The following TYR variants were observed in gnomAD, a reference collection of about 807,000 sequenced individuals.
The protein encoded by TYR is tyrosinase.
A neutral mutation model predicts 51.5 loss-of-function variants in TYR; 58 were observed. That is an observed-to-expected ratio of 1.13 (90% CI 0.91 to 1.40). TYR has a LOEUF of 1.40. TYR is among the 40% of genes most tolerant of loss of function. The probability of loss-of-function intolerance (pLI) is 0.00; values close to 1 mark genes in which losing one functional copy is unlikely to be tolerated. For synonymous variants in TYR, 263 were observed against 235.2 expected (o/e 1.12, Z -1.08); for missense variants, 732 against 647.4 (o/e 1.13, Z -1.42).
intron 3 of TYR, among the ~76,000 whole-genome samples, chr11:89,247,179 C>T (rs542203298): frequency 6.6e-6 from 1 of 152,320 alleles, no homozygotes; most frequent in South Asian, 2.1e-4. Flanking sequence ...TTATACCACT[C>T]TGTGCTTGTT....
intron 3 of TYR, among the ~76,000 whole-genome samples, chr11:89,239,927 A>G (rs1263608359): frequency 6.6e-6 from 1 of 152,188 alleles, no homozygotes; most frequent in Non-Finnish European, 1.5e-5. Context: ...GTCTTCTTAA[A>G]TTTGTTAAGA....
At chr11:89,247,449 A>G (rs1944280824) in intron 3 of TYR, among the ~76,000 whole-genome samples, 1 of 152,230 alleles carries the variant, frequency 6.6e-6, no homozygotes. Context: ...TGATGAAGAC[A>G]TCATGTACTA....
chr11:89,249,384 G>A (rs35928779), intron 3 of TYR, among the ~76,000 whole-genome samples: 1,916 of 147,758 alleles, frequency 0.013, 23 homozygotes, highest in Middle Eastern at 0.035. Context: ...CGATACAGAT[G>A]AGTCAGCAAA....
chr11:89,284,485 T>C (rs1478111044), intron 3 of TYR, among the ~76,000 whole-genome samples: 2 of 151,892 alleles, frequency 1.3e-5, no homozygotes, highest in Non-Finnish European at 2.9e-5. Flanking sequence ...ATAGTTACCT[T>C]TATTTTGCAG....
At chr11:89,220,499 C>T (rs939893790) in intron 2 of TYR, among the ~76,000 whole-genome samples, 4 of 152,182 alleles carry the variant, frequency 2.6e-5, no homozygotes, top group African/African-American at 9.7e-5. Context: ...CATATCCAAA[C>T]TATATCATTA....
At chr11:89,272,930 A>G (rs1322619540) in intron 3 of TYR, among the ~76,000 whole-genome samples, 9 of 152,068 alleles carry the variant, frequency 5.9e-5, no homozygotes, top group Non-Finnish European at 1.0e-4. Flanking sequence ...AAAATTGAAG[A>G]GAGCTGGGGC....
At chr11:89,214,211 A>G (rs1565400393) in intron 2 of TYR, among the ~76,000 whole-genome samples, 2 of 152,230 alleles carry the variant, frequency 1.3e-5, no homozygotes, top group East Asian at 3.8e-4. Context: ...TCCATCAAAA[A>G]GTGGACAAAG....
chr11:89,197,128 C>A (rs1943529908), intron 2 of TYR, among the ~76,000 whole-genome samples: 1 of 152,080 alleles, frequency 6.6e-6, no homozygotes, highest in South Asian at 2.1e-4. Flanking sequence ...GCATTTCCAG[C>A]AGAGGGAACA....
intron 3 of TYR, among the ~76,000 whole-genome samples, chr11:89,254,229 G>T (rs1383757954): frequency 6.6e-6 from 1 of 151,662 alleles, no homozygotes; most frequent in Non-Finnish European, 1.5e-5. Context: ...CAGTTAGCTA[G>T]TATTTTGTTA....
At chr11:89,290,602 G>T (rs989240731) in intron 4 of TYR, among the ~76,000 whole-genome samples, 1 of 151,962 alleles carries the variant, frequency 6.6e-6, no homozygotes, top group Non-Finnish European at 1.5e-5. Flanking sequence ...TCAAGGTCTA[G>T]GGTTTACCCT....
chr11:89,261,269 A>G (rs1944453451), intron 3 of TYR, among the ~76,000 whole-genome samples: 1 of 152,138 alleles, frequency 6.6e-6, no homozygotes, highest in Non-Finnish European at 1.5e-5. Flanking sequence ...GTTCTGCAAT[A>G]AAAGGACACA....
Position 89,183,373 on chromosome 11 carries a change from C to T in TYR, c.819+4601C>T, listed in dbSNP as rs975799611. Among the ~76,000 whole-genome samples, 8 of 151,986 alleles carry T rather than the reference C, an allele frequency of 5.3e-5. No individual in the cohort carries two copies. The East Asian group carries it at 5.8e-4, about 11-fold the overall frequency. On this transcript the variant is annotated intron_variant, in intron 1 of 4. Coordinates refer to ENST00000263321, the MANE Select transcript of TYR (RefSeq NM_000372.5). ...AATTCTACCCCTGCCATTTAGTAGA[C>T]GACATTGGACCAGTTATTTAAAATC...
chr11:89,277,146 A>G (rs185053161), intron 3 of TYR, among the ~76,000 whole-genome samples: 1 of 151,830 alleles, frequency 6.6e-6, no homozygotes, highest in African/African-American at 2.4e-5. Context: ...GTTTTATTGG[A>G]TTAAGTTTAA....
intron 2 of TYR, among the ~76,000 whole-genome samples, chr11:89,217,139 A>G (rs1251099633): frequency 6.6e-6 from 1 of 152,220 alleles, no homozygotes; most frequent in Non-Finnish European, 1.5e-5. Context: ...TTCATGTAAA[A>G]CAACATTAGT....
chr11:89,202,588 G>T (rs1943610853), intron 2 of TYR, among the ~76,000 whole-genome samples: 1 of 124,900 alleles, frequency 8.0e-6, no homozygotes, highest in African/African-American at 3.0e-5. Flanking sequence ...TGTTGATAAT[G>T]TTTCATGGCC....
intron 3 of TYR, among the ~76,000 whole-genome samples, chr11:89,280,916 A>G (rs1944714190): frequency 6.6e-6 from 1 of 151,540 alleles, no homozygotes; most frequent in Non-Finnish European, 1.5e-5. Context: ...TTTTGTCTCT[A>G]TTCTTGGTTT....
intron 2 of TYR, among the ~76,000 whole-genome samples, chr11:89,209,465 C>T (rs945496472): frequency 2.2e-4 from 33 of 152,216 alleles, no homozygotes; most frequent in South Asian, 4.1e-4. Context: ...GAAACTAGAA[C>T]TGGGTGGAGC....
chr11:89,186,288 TG>T (rs1404869234), intron 1 of TYR, among the ~76,000 whole-genome samples: 30 of 152,196 alleles, frequency 2.0e-4, no homozygotes, highest in African/African-American at 7.0e-4. Context: ...ACCCTACATT[TG>T]AGGTTTAATG....
At chr11:89,220,926 G>A (rs925820601) in intron 2 of TYR, among the ~76,000 whole-genome samples, 1 of 152,156 alleles carries the variant, frequency 6.6e-6, no homozygotes, top group African/African-American at 2.4e-5. Flanking sequence ...TAGTAGAGAA[G>A]AGAAAACACA....
Sources: allele counts gnomAD v4.1 joint callset (sites outside exome capture counted in the v4.1 genomes callset), GRCh38; gene constraint gnomAD v4.1.1; transcripts MANE v1.5; gene names NCBI Gene and HGNC (gene_info 2026-07-23, HGNC 2026-07-21).